The following SPMIP2 variants were observed in gnomAD, a reference collection of about 807,000 sequenced individuals.
The protein encoded by SPMIP2 is protein SPMIP2.
chr4:159,062,993 A>C, the SPMIP2 span, among the ~76,000 whole-genome samples: 2 of 151,800 alleles, frequency 1.3e-5, no homozygotes, highest in South Asian at 4.2e-4. Flanking sequence ...CAGGAGTCTG[A>C]TTGCATTTTT....
chr4:159,005,559 A>G, the SPMIP2 span, among the ~76,000 whole-genome samples: 2 of 152,178 alleles, frequency 1.3e-5, no homozygotes, highest in Non-Finnish European at 2.9e-5. Context: ...GTACTTTCCG[A>G]TGGAGCAGCC....
the SPMIP2 span, among the ~76,000 whole-genome samples, chr4:158,910,075 C>T: frequency 1.3e-5 from 2 of 152,138 alleles, no homozygotes; most frequent in South Asian, 4.1e-4. Flanking sequence ...GAGACAGGGT[C>T]TCACTCTGTT....
At chr4:159,061,868 A>G in the SPMIP2 span, among the ~76,000 whole-genome samples, 1 of 150,656 alleles carries the variant, frequency 6.6e-6, no homozygotes, top group Non-Finnish European at 1.5e-5. Flanking sequence ...TGGAAACTGG[A>G]GGCTTCCCTC....
At chr4:159,067,547 A>G in the SPMIP2 span, among the ~76,000 whole-genome samples, 1 of 152,246 alleles carries the variant, frequency 6.6e-6, no homozygotes, top group African/African-American at 2.4e-5. Flanking sequence ...ATGAACTTCT[A>G]TAAATGACAA....
chr4:159,061,609 A>G, the SPMIP2 span, among the ~76,000 whole-genome samples: 1 of 152,134 alleles, frequency 6.6e-6, no homozygotes, highest in African/African-American at 2.4e-5. Context: ...GGAGTTCAAG[A>G]ACAGCCTGGC....
chr4:158,918,437 C>T, the SPMIP2 span, among the ~76,000 whole-genome samples: 5 of 152,310 alleles, frequency 3.3e-5, no homozygotes, highest in African/African-American at 1.2e-4. Context: ...ATGTAAGCAA[C>T]AGATAGTGCT....
chr4:159,009,141 A>AAC, the SPMIP2 span, among the ~76,000 whole-genome samples: 1 of 152,234 alleles, frequency 6.6e-6, no homozygotes, highest in Admixed American at 6.5e-5. Context: ...TTCTCTCAAG[A>AAC]AGGTACAAAC....
chr4:158,910,260 T>C, the SPMIP2 span, among the ~76,000 whole-genome samples: 20 of 152,084 alleles, frequency 1.3e-4, no homozygotes, highest in Non-Finnish European at 2.4e-4. Flanking sequence ...TGGATGATGC[T>C]GTGCAGGTAT....
At chr4:158,927,804 C>T in the SPMIP2 span, among the ~76,000 whole-genome samples, 146 of 152,322 alleles carry the variant, frequency 9.6e-4, no homozygotes, top group Non-Finnish European at 1.5e-3. Flanking sequence ...GAGCAGCCGG[C>T]GGGCCCTGCT....
chr4:158,985,558 A>G, the SPMIP2 span, among the ~76,000 whole-genome samples: 3 of 152,382 alleles, frequency 2.0e-5, no homozygotes, highest in East Asian at 5.8e-4. Flanking sequence ...ATAGATGCAG[A>G]AAAGGCCTTT....
At chr4:158,979,717 C>A in the SPMIP2 span, among the ~76,000 whole-genome samples, 2 of 151,866 alleles carry the variant, frequency 1.3e-5, no homozygotes, top group Admixed American at 6.6e-5. Context: ...CAGGTGCCTA[C>A]ACCACCAGGG....
the SPMIP2 span, chr4:158,915,483 G>T: frequency 1.2e-6 from 1 of 825,748 alleles, no homozygotes. Flanking sequence ...TGTGGCTTAG[G>T]AAAGCTGAAG....
the SPMIP2 span, among the ~76,000 whole-genome samples, chr4:158,989,612 C>G: frequency 1.3e-5 from 2 of 152,046 alleles, no homozygotes; most frequent in African/African-American, 4.8e-5. Flanking sequence ...ACAAACCTGA[C>G]AAAAACAAGC....
chr4:159,061,580 G>A, the SPMIP2 span, among the ~76,000 whole-genome samples: 1 of 152,150 alleles, frequency 6.6e-6, no homozygotes, highest in East Asian at 1.9e-4. Context: ...GGCCGAGGCA[G>A]GCGTATCACC....
chr4:158,939,567 G>A, the SPMIP2 span, among the ~76,000 whole-genome samples: 10 of 152,302 alleles, frequency 6.6e-5, no homozygotes, highest in Admixed American at 3.3e-4. Flanking sequence ...TTGTCTGTTA[G>A]GACAATCCAA....
the SPMIP2 span, chr4:159,026,228 C>T: frequency 2.0e-6 from 1 of 488,486 alleles, no homozygotes; most frequent in South Asian, 1.9e-5. Flanking sequence ...AAAATGGGCA[C>T]AATGGCCAAG....
the SPMIP2 span, among the ~76,000 whole-genome samples, chr4:158,903,333 T>G: frequency 6.6e-6 from 1 of 152,218 alleles, no homozygotes; most frequent in South Asian, 2.1e-4. Flanking sequence ...CCCAATGAGA[T>G]GAGCCGGGTA....
the SPMIP2 span, among the ~76,000 whole-genome samples, chr4:159,009,005 C>T: frequency 1.3e-5 from 2 of 152,234 alleles, no homozygotes; most frequent in South Asian, 4.2e-4. Flanking sequence ...ATTGGGCTCT[C>T]AAGAGAAAAA....
chr4:159,026,449 T>C, the SPMIP2 span: 8 of 913,974 alleles, frequency 8.8e-6, no homozygotes, highest in South Asian at 1.0e-4. Flanking sequence ...AACAAGAAAA[T>C]TGAAAGATGG....
Sources: allele counts gnomAD v4.1 joint callset (sites outside exome capture counted in the v4.1 genomes callset), GRCh38; gene constraint gnomAD v4.1.1; transcripts MANE v1.5; gene names NCBI Gene and HGNC (gene_info 2026-07-23, HGNC 2026-07-21).